The following DPP9 variants were observed in gnomAD, a reference collection of about 807,000 sequenced individuals.
DPP9 encodes dipeptidyl peptidase 9.
In DPP9, 50 loss-of-function variants were observed where a neutral mutation model predicts 110.7. The ratio of observed to expected loss-of-function variants is 0.45; its 90% CI spans 0.36 to 0.57. The LOEUF (loss-of-function observed/expected upper bound fraction) is 0.57. Ranked by LOEUF, DPP9 falls within the 20% of genes least tolerant of loss-of-function variation. The pLI is 0.00. For synonymous variants in DPP9, 561 were observed against 514.4 expected, an observed-to-expected ratio of 1.09 and a Z score of -1.23; for missense variants, 1,022 against 1,217.9, an observed-to-expected ratio of 0.84 and a Z score of 2.39.
At chr19:4,690,988 G>A (rs1279764623) in intron 13 of DPP9, 31 bp from the exon 14 acceptor site, 1 of 1,570,032 alleles carries the variant, frequency 6.4e-7, no homozygotes, top group African/African-American at 1.3e-5. Flanking sequence ...GAGGTGAAGG[G>A]GCCTGGGAGG....
chr19:4,700,084 C>T lies in DPP9; in HGVS notation c.1074+132G>A, dbSNP rs533369541. ...AGGGAAGGCCTGTGGCTAGGCGGACCGGGCGGCAGGGCTGGGGCCTGGGGA... is the reference window on the plus strand; with the variant it reads ...AGGGAAGGCCTGTGGCTAGGCGGACTGGGCGGCAGGGCTGGGGCCTGGGGA... On this transcript the variant is annotated intron_variant, in intron 10 of 21. Coordinates refer to ENST00000262960, the MANE Select transcript of DPP9 (RefSeq NM_139159.5). The surrounding 1 kb of genome is among the most constrained non-coding windows in gnomAD (Gnocchi z 4.3). 577 of 609,374 alleles carry T rather than the reference C, an allele frequency of 9.5e-4. 2 individuals carry two copies. Among genetic ancestry groups the T allele is most frequent in the African/African-American group, 9.5e-3 (495 of 52,286 alleles). The allele number at this position is 609,374 out of a possible 1,614,324, so 37.7% of individuals were successfully genotyped here.
intron 1 of DPP9, chr19:4,722,804 C>T: frequency 2.2e-6 from 1 of 448,908 alleles, no homozygotes; most frequent in Non-Finnish European, 4.0e-6. Context: ...TCCACACCCC[C>T]TGGGCTTTAG....
At chr19:4,716,606 C>T (rs1208365068) in intron 3 of DPP9, among the ~76,000 whole-genome samples, 2 of 151,444 alleles carry the variant, frequency 1.3e-5, no homozygotes, top group African/African-American at 4.9e-5. Flanking sequence ...CACTGCACTC[C>T]AGCCTGGGCG....
In DPP9 at chr19:4,689,989, T is replaced by A. The variant is rs572348719; in HGVS notation, c.1597-267A>T. On this transcript the variant is annotated intron_variant, in intron 14 of 21. Coordinates refer to ENST00000262960, the MANE Select transcript of DPP9 (RefSeq NM_139159.5). The surrounding 1 kb of genome is among the most constrained non-coding windows in gnomAD (Gnocchi z 7.0). ...CCTGCATTCCACCCCCAGACAGCTC[T>A]TTCCTAGCTTGAATTGGGAGGGCCC... 1.4e-4 allele frequency among the ~76,000 whole-genome samples: 22 copies of A among 152,312 alleles called. 1 individual carries two copies. Among genetic ancestry groups the A allele is most frequent in the Admixed American group, 2.6e-4 (4 of 15,306 alleles).
Position 4,689,481 on chromosome 19 carries a change from C to G in DPP9, c.1749+89G>C. ...AGAATGCGAGACCATGAGAATGACCCTGAGTGCTGTGCCGGGCCATGAGGG... is the reference window on the plus strand; with the variant it reads ...AGAATGCGAGACCATGAGAATGACCGTGAGTGCTGTGCCGGGCCATGAGGG... On this transcript the variant is annotated intron_variant, in intron 15 of 21. Transcript: ENST00000262960. The surrounding 1 kb of genome is among the most constrained non-coding windows in gnomAD (Gnocchi z 7.0). 6.8e-7 allele frequency: 1 copy of G among 1,469,022 alleles called. No homozygotes were observed. The highest frequency in any genetic ancestry group is 9.1e-7 in the Non-Finnish European group (1 of 1,102,662). 91.0% of individuals were successfully genotyped at this position (1,469,022 alleles called of 1,614,324 possible).
chr19:4,683,569 A>C lies in DPP9; in HGVS notation c.2239T>G (p.Phe747Val). The change falls in exon 19 of 22, where the codon TTC becomes GTC. Residue 747 changes from phenylalanine to valine, a missense_variant. Phe to Val is a conservative substitution (Grantham distance 50). Coordinates refer to ENST00000262960, the MANE Select transcript of DPP9 (RefSeq NM_139159.5). The stretch of plus-strand genomic sequence containing the variant: ...ATGGCAACTCGGCTCAGGTCGATGA[A>C]GCCATACTTCTCGGCCACGAACTGC... ...GLQFVAEKYG[F>V]IDLSRVAIHG... The C allele has an allele frequency of 6.2e-7, 1 of 1,613,522 alleles. No homozygotes were observed. Among genetic ancestry groups the C allele is most frequent in the Non-Finnish European group, 8.5e-7 (1 of 1,179,852 alleles).
rs370688145 is a variant in DPP9, at chr19:4,683,513, C to G, written c.2295G>C (p.Ser765=). Residue 765 remains serine (S), a synonymous_variant, in exon 19 of 22, where the codon TCG becomes TCC. Coordinates refer to ENST00000262960, the MANE Select transcript of DPP9 (RefSeq NM_139159.5). The part of the protein sequence containing the change: ...IHGWSYGGFL[S]LMGLIHKPQV... ...GGGGCTTGTGGATTAGCCCCATGAG[C>G]GAGAGGAAGCCCCCGTAGGACCAGC... 6.2e-7 allele frequency: 1 copy of G among 1,613,232 alleles called. No homozygotes were observed. Among genetic ancestry groups the G allele is most frequent in the South Asian group, 1.1e-5 (1 of 91,086 alleles).
chr19:4,711,454 C>T (rs1475759021), intron 4 of DPP9, among the ~76,000 whole-genome samples: 1 of 151,938 alleles, frequency 6.6e-6, no homozygotes, highest in African/African-American at 2.4e-5. Flanking sequence ...ACCCAAGTGA[C>T]CCAGATGGCA....
chr19:4,683,527 C>T lies in DPP9; in HGVS notation c.2281G>A (p.Gly761Arg), dbSNP rs752410065. 5 of 1,613,192 alleles carry T rather than the reference C, an allele frequency of 3.1e-6. No homozygotes were observed. Among genetic ancestry groups the T allele is most frequent in the African/African-American group, 1.3e-5 (1 of 74,904 alleles). Reference protein sequence around the residue: ...SRVAIHGWSYGGFLSLMGLIH... With the variant: ...SRVAIHGWSYRGFLSLMGLIH... ...AGCCCCATGAGCGAGAGGAAGCCCC[C>T]GTAGGACCAGCCATGGATGGCAACT... Residue 761 changes from glycine (G) to arginine (R), a missense_variant, in exon 19 of 22, where the codon GGG (glycine) becomes AGG (arginine). Gly to Arg is a moderately radical substitution (Grantham distance 125). This residue lies in a region of DPP9 where 209 missense variants were observed against 280.4 expected (regional missense o/e 0.75). Coordinates refer to ENST00000262960, the MANE Select transcript of DPP9 (RefSeq NM_139159.5).
At position 4,685,704 on chromosome 19, in the gene DPP9, G is replaced by A. The variant is rs759064053; in HGVS notation, c.1953C>T (p.Tyr651=). The A allele has an allele frequency of 9.3e-6, 15 of 1,613,316 alleles. No homozygotes were observed. The highest frequency in any genetic ancestry group is 5.3e-5 in the African/African-American group (4 of 74,894). ...HFHTRSDVRL[Y]GMIYKPHALQ... ...AGGCGTGGGGCTTGTAGATCATGCC[G>A]TAGAGCCGCACATCCGAGCGCGTGT... Residue 651 remains tyrosine, a synonymous_variant, in exon 17 of 22, where the codon TAC becomes TAT. Coordinates refer to ENST00000262960, the MANE Select transcript of DPP9 (RefSeq NM_139159.5). This position sits in a 1 kb window ranked among gnomAD's most constrained non-coding sequence, Gnocchi z 5.8.
rs2091536052 is a variant in DPP9 at position 4,693,751 on chromosome 19, G to A, written c.1516+910C>T. Among the ~76,000 whole-genome samples the A allele has an allele frequency of 6.6e-6, 1 of 151,942 alleles. No homozygotes were observed. The highest frequency in any genetic ancestry group is 2.4e-5 in the African/African-American group (1 of 41,384). On this transcript the variant is annotated intron_variant, in intron 13 of 21. Coordinates refer to ENST00000262960, the MANE Select transcript of DPP9 (RefSeq NM_139159.5). This position sits in a 1 kb window ranked among gnomAD's most constrained non-coding sequence, Gnocchi z 5.0. ...AGGGTGACGACTTCCTATTTCTCTC[G>A]GGGTCAAAGCCCAAGTCCTCCTGGA...
rs2090544329 is a variant in DPP9, at chr19:4,685,410, AG to A, written c.2031+215del. The A allele has an allele frequency of 1.5e-6, 1 of 674,730 alleles. No individual in the cohort carries two copies. Among genetic ancestry groups the A allele is most frequent in the African/African-American group, 1.8e-5 (1 of 56,618 alleles). 41.8% of individuals were successfully genotyped at this position (674,730 alleles called of 1,614,324 possible). A position where few individuals can be genotyped will look rare whatever the true frequency, so the allele number is the denominator to read the frequency against. On this transcript the variant is annotated intron_variant, in intron 17 of 21. Transcript: ENST00000262960. The surrounding 1 kb of genome is among the most constrained non-coding windows in gnomAD (Gnocchi z 5.8). ...GCGGAGGGGGAAGGGGAGGCCATCC[AG>A]GAAGGGCGGGGAGCGTGCAAACGGG... is the stretch of plus-strand genomic sequence containing the variant.
chr19:4,722,289 C>T (rs1309843863), intron 2 of DPP9: 1 of 562,208 alleles, frequency 1.8e-6, no homozygotes, highest in Non-Finnish European at 3.2e-6. Context: ...CTTCAAAAAG[C>T]TCCTTCCAGG....
rs529204124 is a variant in DPP9 at position 4,688,936 on chromosome 19, G to A, written c.1750-44C>T. 4.9e-5 allele frequency: 74 copies of A among 1,495,430 alleles called. No homozygotes were observed. The Middle Eastern group carries it at 1.1e-3, about 22-fold the overall frequency. 92.6% of individuals were successfully genotyped at this position (1,495,430 alleles called of 1,614,324 possible). On this transcript the variant is annotated intron_variant, in intron 15 of 21. Transcript: ENST00000262960. ...GATGAGCTCCACGGGATGCCGCTGC[G>A]CCCTTTCCACTGGGTGCCGACCGCA...
chr19:4,717,656 C>T (rs562914870), intron 3 of DPP9: 29 of 152,318 alleles, frequency 1.9e-4, no homozygotes, highest in African/African-American at 7.0e-4. Flanking sequence ...AAATTCGATC[C>T]CGGAGATGAG....
intron 21 of DPP9, chr19:4,679,382 G>A: frequency 6.1e-6 from 1 of 163,570 alleles, no homozygotes; most frequent in Non-Finnish European, 1.3e-5. Flanking sequence ...CCCAAGCCTG[G>A]CTGGCTCCAC....
intron 3 of DPP9, 162 bp downstream of exon 3, chr19:4,719,689 G>A (rs72979806): frequency 3.9e-5 from 33 of 837,178 alleles, no homozygotes; most frequent in African/African-American, 8.4e-5. Flanking sequence ...CCCGCACTAC[G>A]CCACACTGCC....
At chr19:4,679,386 G>C (rs2089461747) in intron 21 of DPP9, 1 of 164,252 alleles carries the variant, frequency 6.1e-6, no homozygotes, top group Non-Finnish European at 1.3e-5. Context: ...AGCCTGGCTG[G>C]CTCCACTCAC....
intron 9 of DPP9, among the ~76,000 whole-genome samples, chr19:4,701,372 G>A (rs1000320541): frequency 2.6e-5 from 4 of 152,178 alleles, no homozygotes; most frequent in East Asian, 3.9e-4. Flanking sequence ...GGAGGCAGAG[G>A]TGGGAGGATC....
Sources: allele counts gnomAD v4.1 joint callset (sites outside exome capture counted in the v4.1 genomes callset), GRCh38; gene constraint gnomAD v4.1.1; regional missense constraint gnomAD v4.1.1; non-coding constraint Gnocchi (gnomAD v3.1); transcripts MANE v1.5; gene names NCBI Gene and HGNC (gene_info 2026-07-23, HGNC 2026-07-21).